The following CGNL1 variants were observed in gnomAD, a reference collection of about 807,000 sequenced individuals.
CGNL1 encodes the protein cingulin-like protein 1.
A neutral mutation model predicts 141.2 loss-of-function variants in CGNL1; 132 were observed. The ratio of observed to expected loss-of-function variants is 0.93; its 90% confidence interval spans 0.81 to 1.08. The LOEUF (loss-of-function observed/expected upper bound fraction) is 1.08. Among genes scored for constraint, CGNL1 ranks in the 50% least tolerant of loss-of-function variants. The pLI is 0.00. For synonymous variants in CGNL1, 690 were observed against 622.1 expected, an observed-to-expected ratio of 1.11 and a Z score of -1.63; for missense variants, 1,870 against 1,588.6, an observed-to-expected ratio of 1.18 and a Z score of -3.01.
intron 8 of CGNL1, among the ~76,000 whole-genome samples, chr15:57,464,895 A>G (rs1228005186): frequency 6.6e-6 from 1 of 151,886 alleles, no homozygotes; most frequent in Non-Finnish European, 1.5e-5. Context: ...GATTACAGGC[A>G]TGTGCCACCA....
chr15:57,546,570 G>A (rs2140260325), intron 18 of CGNL1, among the ~76,000 whole-genome samples: 1 of 152,220 alleles, frequency 6.6e-6, no homozygotes, highest in South Asian at 2.1e-4. Flanking sequence ...GGCCATCCTG[G>A]GCTTTTTTCT....
At chr15:57,440,331 C>T (rs16977503) in intron 2 of CGNL1, 46 bp from the exon 3 acceptor site, 1 of 1,430,678 alleles carries the variant, frequency 7.0e-7, no homozygotes, top group South Asian at 1.2e-5. Context: ...TTGGAAGCCT[C>T]TGGGAACTTC....
chr15:57,498,074 G>A (rs2063967630), intron 8 of CGNL1, among the ~76,000 whole-genome samples: 1 of 152,010 alleles, frequency 6.6e-6, no homozygotes, highest in Non-Finnish European at 1.5e-5. Context: ...TTCCCTCTGT[G>A]TGTGGCACCA....
chr15:57,452,286 A>C lies in CGNL1; in HGVS notation c.2051A>C (p.Glu684Ala). The stretch of plus-strand genomic sequence containing the variant: ...GAAGGGGAGCTCCGGAAGAATCTGG[A>C]GGAGTAAGTTCTGGGCTGAGAGCCT... Reference protein sequence around the residue: ...ESEGELRKNLEELFQVKMERE... With the variant: ...ESEGELRKNLAELFQVKMERE... The change falls in exon 6 of 19, where the codon GAG becomes GCG. Residue 684 changes from glutamate (E) to alanine (A), a missense_variant. Transcript: ENST00000281282. The C allele has an allele frequency of 1.2e-6, 2 of 1,613,414 alleles. No homozygotes were observed. The highest frequency in any genetic ancestry group is 1.7e-6 in the Non-Finnish European group (2 of 1,179,660).
intron 1 of CGNL1, among the ~76,000 whole-genome samples, chr15:57,422,823 A>G (rs138199083): frequency 1.3e-5 from 2 of 152,294 alleles, no homozygotes; most frequent in East Asian, 3.9e-4. Context: ...AAAAGTGGTG[A>G]TGGACATGGA....
intron 8 of CGNL1, among the ~76,000 whole-genome samples, chr15:57,492,642 T>C (rs1211557320): frequency 1.3e-5 from 2 of 152,024 alleles, no homozygotes; most frequent in African/African-American, 4.8e-5. Flanking sequence ...GTCCTGAGAC[T>C]TCTGGCAAAG....
intron 8 of CGNL1, among the ~76,000 whole-genome samples, chr15:57,488,448 A>G (rs1473791233): frequency 6.6e-6 from 1 of 152,224 alleles, no homozygotes; most frequent in Non-Finnish European, 1.5e-5. Context: ...TGTTGTATCT[A>G]AGAAACCATT....
chr15:57,511,835 A>C (rs1289174231), intron 8 of CGNL1, among the ~76,000 whole-genome samples: 1 of 152,226 alleles, frequency 6.6e-6, no homozygotes, highest in Non-Finnish European at 1.5e-5. Context: ...AAATATTGAA[A>C]TGCAAATCCA....
At chr15:57,444,489 G>A (rs564379666) in intron 4 of CGNL1, among the ~76,000 whole-genome samples, 9 of 152,216 alleles carry the variant, frequency 5.9e-5, no homozygotes, top group Admixed American at 4.6e-4. Flanking sequence ...TGTTTAACTC[G>A]TAAATTATAC....
intron 11 of CGNL1, among the ~76,000 whole-genome samples, chr15:57,523,894 T>C (rs60415661): frequency 0.016 from 2,481 of 152,334 alleles, 65 homozygotes; most frequent in African/African-American, 0.057. Context: ...AGAAGAAGGC[T>C]GTGTGTCAGT....
chr15:57,503,569 G>T (rs1231258535), intron 8 of CGNL1, among the ~76,000 whole-genome samples: 1 of 152,126 alleles, frequency 6.6e-6, no homozygotes, highest in African/African-American at 2.4e-5. Flanking sequence ...GCTCGCTCAG[G>T]GCAGGCTGGC....
intron 1 of CGNL1, among the ~76,000 whole-genome samples, chr15:57,403,490 A>G (rs1169986076): frequency 2.0e-5 from 3 of 152,322 alleles, no homozygotes; most frequent in South Asian, 4.1e-4. Context: ...ACTGATGCCA[A>G]GGAGTTTATT....
intron 1 of CGNL1, among the ~76,000 whole-genome samples, chr15:57,391,391 C>G (rs2062541393): frequency 6.6e-6 from 1 of 152,202 alleles, no homozygotes; most frequent in Non-Finnish European, 1.5e-5. Flanking sequence ...TAGTGAAGAG[C>G]TGCTAGACTT....
At chr15:57,537,643 T>C (rs1595810657) in intron 14 of CGNL1, among the ~76,000 whole-genome samples, 1 of 152,226 alleles carries the variant, frequency 6.6e-6, no homozygotes, top group African/African-American at 2.4e-5. Context: ...AGTATTGTTA[T>C]TGGCCATCAC....
At chr15:57,526,024 C>T (rs1392864783) in intron 12 of CGNL1, among the ~76,000 whole-genome samples, 1 of 152,152 alleles carries the variant, frequency 6.6e-6, no homozygotes, top group Non-Finnish European at 1.5e-5. Flanking sequence ...AAAAGTACTT[C>T]CCGTTGCGTT....
chr15:57,426,880 G>C (rs6493929), intron 1 of CGNL1, among the ~76,000 whole-genome samples: 148,895 of 152,232 alleles, frequency 0.98, 72,897 homozygotes, highest in Middle Eastern at 1. Context: ...GGCTAACAGA[G>C]CCATCTATAT....
At position 57,547,440 on chromosome 15, in the gene CGNL1, C is replaced by G; in HGVS notation, c.3859C>G (p.Pro1287Ala). The change falls in exon 19 of 19, where the codon CCT becomes GCT. Residue 1287 changes from proline (P) to alanine (A), a missense_variant. By Grantham distance (27) the Pro-to-Ala change is conservative (BLOSUM62 -1). Coordinates refer to ENST00000281282, the MANE Select transcript of CGNL1 (RefSeq NM_032866.5). The part of the protein sequence containing the change: ...STDGGSLYEA[P>A]VSYTFSKDST... ...GGATGGGGGAAGCCTCTATGAGGCG[C>G]CTGTGAGCTACACATTCTCCAAGGA... 1 of 1,614,156 alleles carries G rather than the reference C, an allele frequency of 6.2e-7. No individual in the cohort carries two copies. The highest frequency in any genetic ancestry group is 8.5e-7 in the Non-Finnish European group (1 of 1,180,012).
chr15:57,440,619 A>T, intron 3 of CGNL1, 148 bp downstream of exon 3: 1 of 654,022 alleles, frequency 1.5e-6, no homozygotes, highest in East Asian at 2.8e-5. Flanking sequence ...GGTTTTCGTG[A>T]CGGCATTTGT....
At chr15:57,524,792 C>A in intron 12 of CGNL1, 41 bp downstream of exon 12, 2 of 1,594,374 alleles carry the variant, frequency 1.3e-6, no homozygotes, top group Non-Finnish European at 1.7e-6. Context: ...ATCCCTTATT[C>A]AAAGTATCCT....
Sources: allele counts gnomAD v4.1 joint callset (sites outside exome capture counted in the v4.1 genomes callset), GRCh38; gene constraint gnomAD v4.1.1; transcripts MANE v1.5; gene names NCBI Gene and HGNC (gene_info 2026-07-23, HGNC 2026-07-21).